Variants in CSTPP1 observed in about 807,000 individuals in gnomAD.
The protein encoded by CSTPP1 is centriolar satellite-associated tubulin polyglutamylase complex regulator 1.
the CSTPP1 span, among the ~76,000 whole-genome samples, chr11:47,163,086 C>G: frequency 6.6e-6 from 1 of 150,560 alleles, no homozygotes; most frequent in African/African-American, 2.4e-5. Context: ...CGAGGTAGAT[C>G]ACTTGAACCC....
chr11:47,155,256 A>G, the CSTPP1 span: 1 of 1,613,044 alleles, frequency 6.2e-7, no homozygotes, highest in Non-Finnish European at 8.5e-7. Context: ...CAGTTTTACT[A>G]CTCAGGTGAG....
the CSTPP1 span, among the ~76,000 whole-genome samples, chr11:47,053,770 C>T: frequency 1.7e-4 from 22 of 126,666 alleles, no homozygotes; most frequent in Admixed American, 1.5e-3. Context: ...ACTGAGACTT[C>T]GTCTCTACAA....
At chr11:47,134,682 AC>A in the CSTPP1 span, among the ~76,000 whole-genome samples, 1 of 152,120 alleles carries the variant, frequency 6.6e-6, no homozygotes, top group South Asian at 2.1e-4. Flanking sequence ...AGCTAGGGGG[AC>A]TGCTACCTTG....
At chr11:46,988,241 A>G in the CSTPP1 span, among the ~76,000 whole-genome samples, 3 of 152,204 alleles carry the variant, frequency 2.0e-5, no homozygotes, top group African/African-American at 7.2e-5. Flanking sequence ...AAATTAGTGT[A>G]TCGAATAAAT....
chr11:47,070,268 G>T, the CSTPP1 span, among the ~76,000 whole-genome samples: 4 of 147,694 alleles, frequency 2.7e-5, no homozygotes, highest in Non-Finnish European at 4.5e-5. Context: ...GAGAGAGGGG[G>T]AGAGAGAGAG....
the CSTPP1 span, among the ~76,000 whole-genome samples, chr11:47,081,978 T>C: frequency 6.8e-6 from 1 of 147,244 alleles, no homozygotes; most frequent in African/African-American, 2.5e-5. Context: ...TGGCGCACGC[T>C]TATATTAGGT....
At chr11:47,087,057 CTGGT>C in the CSTPP1 span, among the ~76,000 whole-genome samples, 3 of 152,108 alleles carry the variant, frequency 2.0e-5, no homozygotes, top group African/African-American at 7.2e-5. Context: ...ATGATATAGG[CTGGT>C]TGAATAGTCA....
the CSTPP1 span, among the ~76,000 whole-genome samples, chr11:47,065,159 AAATACCATTGG>A: frequency 6.6e-6 from 1 of 152,180 alleles, no homozygotes; most frequent in East Asian, 1.9e-4. Flanking sequence ...TTCTATTAAA[AAATACCATTGG>A]AATACCATTG....
chr11:47,101,440 G>A, the CSTPP1 span, among the ~76,000 whole-genome samples: 7 of 151,762 alleles, frequency 4.6e-5, no homozygotes, highest in East Asian at 1.4e-3. Context: ...GTTTTAAGAT[G>A]TGGTTAGTTC....
chr11:47,033,385 CTAA>C, the CSTPP1 span, among the ~76,000 whole-genome samples: 1 of 152,150 alleles, frequency 6.6e-6, no homozygotes, highest in Admixed American at 6.6e-5. Flanking sequence ...GCCAGATGGT[CTAA>C]TGTCAGTTTG....
chr11:46,964,225 G>GT, the CSTPP1 span, among the ~76,000 whole-genome samples: 1 of 151,302 alleles, frequency 6.6e-6, no homozygotes, highest in Non-Finnish European at 1.5e-5. Flanking sequence ...CCATCAAACT[G>GT]TTTTCTCTAG....
chr11:46,966,932 T>C, the CSTPP1 span, among the ~76,000 whole-genome samples: 2 of 152,130 alleles, frequency 1.3e-5, no homozygotes, highest in Admixed American at 6.5e-5. Context: ...ATCAAGGTGC[T>C]GGCCAATTTG....
chr11:47,040,698 C>G, the CSTPP1 span, among the ~76,000 whole-genome samples: 2 of 126,540 alleles, frequency 1.6e-5, 1 homozygote, highest in Non-Finnish European at 3.8e-5. Flanking sequence ...CAAAGGGCCT[C>G]GAACCCCTGT....
the CSTPP1 span, among the ~76,000 whole-genome samples, chr11:47,111,128 G>A: frequency 2.0e-5 from 3 of 151,902 alleles, no homozygotes; most frequent in African/African-American, 4.8e-5. Flanking sequence ...TCCTGACCTC[G>A]TGATCTGTCC....
the CSTPP1 span, among the ~76,000 whole-genome samples, chr11:47,038,628 G>A: frequency 8.7e-6 from 1 of 115,048 alleles, no homozygotes; most frequent in Non-Finnish European, 2.1e-5. Flanking sequence ...GCCGGGCGGG[G>A]GTCTGACCCC....
the CSTPP1 span, among the ~76,000 whole-genome samples, chr11:47,129,530 A>G: frequency 6.6e-6 from 1 of 152,052 alleles, no homozygotes; most frequent in Non-Finnish European, 1.5e-5. Flanking sequence ...CACACTTTCT[A>G]AGACAGGACC....
the CSTPP1 span, among the ~76,000 whole-genome samples, chr11:47,144,946 C>T: frequency 3.4e-5 from 5 of 148,706 alleles, no homozygotes; most frequent in Non-Finnish European, 5.9e-5. Flanking sequence ...GGGAAACACA[C>T]GTTGAGAACC....
chr11:47,015,340 GGT>G, the CSTPP1 span, among the ~76,000 whole-genome samples: 22 of 151,870 alleles, frequency 1.4e-4, no homozygotes. Context: ...CAGGCATGGT[GGT>G]GCGCGCCTGT....
chr11:47,066,280 GA>G, the CSTPP1 span, among the ~76,000 whole-genome samples: 11 of 149,328 alleles, frequency 7.4e-5, no homozygotes, highest in East Asian at 3.9e-4. Context: ...CATTGATGAG[GA>G]AAAAAAAAAT....
Sources: allele counts gnomAD v4.1 joint callset (sites outside exome capture counted in the v4.1 genomes callset), GRCh38; gene constraint gnomAD v4.1.1; transcripts MANE v1.5; gene names NCBI Gene and HGNC (gene_info 2026-07-23, HGNC 2026-07-21).